Variants in UBE2O observed in about 807,000 individuals in gnomAD.
UBE2O encodes ubiquitin conjugating enzyme E2 O.
Under a neutral mutation model 125.8 loss-of-function variants are expected in UBE2O, and 15 were observed. The observed-to-expected ratio is 0.12, with a 90% CI of 0.08 to 0.18. The LOEUF (loss-of-function observed/expected upper bound fraction) is 0.18. Among genes scored for constraint, UBE2O ranks in the 10% least tolerant of loss-of-function variants. The probability of loss-of-function intolerance (pLI) is 1.00; values close to 1 mark genes in which losing one functional copy is unlikely to be tolerated. For synonymous variants in UBE2O, 708 were observed against 703.2 expected (o/e 1.01, Z -0.11); for missense variants, 1,280 against 1,723.6 (o/e 0.74, Z 4.56).
chr17:76,421,353 G>C (rs2072707011), intron 1 of UBE2O, among the ~76,000 whole-genome samples: 2 of 151,986 alleles, frequency 1.3e-5, no homozygotes, highest in Admixed American at 1.3e-4. Context: ...AACATAATTT[G>C]AGTGACTATT....
At position 76,400,940 on chromosome 17, in the gene UBE2O, A is replaced by G. The variant is rs2072311994; in HGVS notation, c.894+71T>C. 1 of 1,571,516 alleles carries G rather than the reference A, an allele frequency of 6.4e-7. No individual in the cohort carries two copies. The highest frequency in any genetic ancestry group is 8.7e-7 in the Non-Finnish European group (1 of 1,151,830). On this transcript the variant is annotated intron_variant, in intron 6 of 17. Transcript: ENST00000319380. This position sits in a 1 kb window ranked among gnomAD's most constrained non-coding sequence, Gnocchi z 4.3. Reference sequence around the variant, plus strand: ...GCTCAACCCTCAAGAGCAGGAAGGAAAGGGGCAGCAGCTCAGCTCCAGGGT... The same window carrying G: ...GCTCAACCCTCAAGAGCAGGAAGGAGAGGGGCAGCAGCTCAGCTCCAGGGT...
rs1459912787 is a variant in UBE2O, at chr17:76,391,797, G to A, written c.3167C>T (p.Thr1056Ile). 1 of 1,614,130 alleles carries A rather than the reference G, an allele frequency of 6.2e-7. No homozygotes were observed. The highest frequency in any genetic ancestry group is 1.1e-5 in the South Asian group (1 of 91,078). The change falls in exon 17 of 18, where the codon ACA becomes ATA. Residue 1056 changes from threonine to isoleucine, a missense_variant. Thr to Ile is a moderately conservative substitution (Grantham distance 89). This residue lies in a region of UBE2O where 37 missense variants were observed against 115.6 expected (regional missense o/e 0.32). Transcript: ENST00000319380. The surrounding 1 kb of genome is among the most constrained non-coding windows in gnomAD (Gnocchi z 8.4). Reference sequence around the variant, plus strand: ...CACCTGGAGAAGGCTGGACTTGCTTGTCCACCTCTCTGTCCCCTGAAACAC... The same window carrying A: ...CACCTGGAGAAGGCTGGACTTGCTTATCCACCTCTCTGTCCCCTGAAACAC... ...TWIGKGTERW[T>I]SKSSLLQVLI...
chr17:76,429,541 CAAAAAA>C (rs61081315), intron 1 of UBE2O, among the ~76,000 whole-genome samples: 13 of 71,798 alleles, frequency 1.8e-4, no homozygotes, highest in East Asian at 8.4e-4. Context: ...GACTCTGTCT[CAAAAAA>C]AAAAAAAAAA....
intron 1 of UBE2O, among the ~76,000 whole-genome samples, chr17:76,441,927 G>C (rs1270568311): frequency 2.6e-5 from 4 of 152,250 alleles, no homozygotes; most frequent in Admixed American, 2.6e-4. Flanking sequence ...CATAGCCTAA[G>C]CTGCGTTCCT....
chr17:76,417,738 G>GA (rs1321654440), intron 1 of UBE2O, among the ~76,000 whole-genome samples: 2 of 152,196 alleles, frequency 1.3e-5, no homozygotes, highest in Admixed American at 6.5e-5. Context: ...CCAGGGGCAG[G>GA]AAACAGCTAT....
intron 1 of UBE2O, among the ~76,000 whole-genome samples, chr17:76,416,061 G>T (rs762346403): frequency 2.0e-5 from 3 of 151,318 alleles, no homozygotes; most frequent in Non-Finnish European, 4.4e-5. Flanking sequence ...GTACATACAC[G>T]TATATACGTA....
At chr17:76,444,947 CCA>C (rs2073129728) in intron 1 of UBE2O, among the ~76,000 whole-genome samples, 2 of 152,254 alleles carry the variant, frequency 1.3e-5, no homozygotes, top group South Asian at 2.1e-4. Flanking sequence ...CTAGCGGTGA[CCA>C]CACACACAGT....
chr17:76,406,757 T>C (rs2072429679), intron 1 of UBE2O, among the ~76,000 whole-genome samples: 1 of 126,680 alleles, frequency 7.9e-6, no homozygotes, highest in Admixed American at 1.0e-4. Context: ...TGGAGTGCAA[T>C]GGCGCAGTCT....
intron 1 of UBE2O, among the ~76,000 whole-genome samples, chr17:76,428,153 T>C (rs931042427): frequency 6.6e-6 from 1 of 152,248 alleles, no homozygotes; most frequent in African/African-American, 2.4e-5. Flanking sequence ...GTCTTCTGGC[T>C]TCCAATGAGG....
chr17:76,430,450 G>A, intron 1 of UBE2O: 1 of 242,438 alleles, frequency 4.1e-6, no homozygotes, highest in South Asian at 5.1e-5. Flanking sequence ...TGTGGATCTG[G>A]CCCTCCCTGT....
rs1269543824 is a variant in UBE2O, at chr17:76,389,787, T to C, written c.*1156A>G. 1 of 152,246 alleles carries C rather than the reference T, an allele frequency of 6.6e-6. No homozygotes were observed. The allele number at this position is 152,246 out of a possible 1,614,324, so 9.4% of individuals were successfully genotyped here. On this transcript the variant is annotated 3_prime_UTR_variant, in exon 18 of 18. Transcript: ENST00000319380. ...CACTTAAGGCTGACAAGACGCATCATGCTTTGGCTTTTTTTTTGTCTTTTT... is the reference window on the plus strand; with the variant it reads ...CACTTAAGGCTGACAAGACGCATCACGCTTTGGCTTTTTTTTTGTCTTTTT...
At chr17:76,393,390 AC>A (rs1295982601) in intron 15 of UBE2O, among the ~76,000 whole-genome samples, 2 of 151,326 alleles carry the variant, frequency 1.3e-5, no homozygotes, top group Non-Finnish European at 2.9e-5. Flanking sequence ...CAGTCTCCTC[AC>A]GCCCGGCTAA....
intron 1 of UBE2O, among the ~76,000 whole-genome samples, chr17:76,418,362 C>T (rs1313920559): frequency 6.6e-6 from 1 of 152,214 alleles, no homozygotes; most frequent in Non-Finnish European, 1.5e-5. Context: ...GACTATAGGA[C>T]ACCCTCTTCC....
intron 1 of UBE2O, among the ~76,000 whole-genome samples, chr17:76,416,567 C>T (rs1360536089): frequency 6.6e-6 from 1 of 152,108 alleles, no homozygotes; most frequent in Non-Finnish European, 1.5e-5. Flanking sequence ...CATGACAGAC[C>T]GCACGTGGAA....
At chr17:76,403,833 A>G (rs1020466366) in intron 3 of UBE2O, among the ~76,000 whole-genome samples, 1 of 152,212 alleles carries the variant, frequency 6.6e-6, no homozygotes, top group African/African-American at 2.4e-5. Context: ...CCAGAAAGAA[A>G]GAAAGTTCTT....
chr17:76,417,075 T>G (rs144781075), intron 1 of UBE2O, among the ~76,000 whole-genome samples: 49 of 152,344 alleles, frequency 3.2e-4, no homozygotes, highest in African/African-American at 1.1e-3. Flanking sequence ...GGGCACCAGA[T>G]GCCTCATCAG....
At chr17:76,451,307 T>C (rs2073237963) in intron 1 of UBE2O, among the ~76,000 whole-genome samples, 1 of 152,244 alleles carries the variant, frequency 6.6e-6, no homozygotes, top group Non-Finnish European at 1.5e-5. Context: ...AAGCATTCTG[T>C]TGCACAAAAG....
rs543537660 is a variant in UBE2O at position 76,417,342 on chromosome 17, C to T, written c.418-11770G>A. ...TGGGGCACCAGGGCAGGTCCCTAGACGAGGACCTCTTCCCTGGAGAAGACG... is the reference window on the plus strand; with the variant it reads ...TGGGGCACCAGGGCAGGTCCCTAGATGAGGACCTCTTCCCTGGAGAAGACG... On this transcript the variant is annotated intron_variant, in intron 1 of 17. Coordinates refer to ENST00000319380, the MANE Select transcript of UBE2O (RefSeq NM_022066.4). Among the ~76,000 whole-genome samples the T allele has an allele frequency of 5.4e-4, 83 of 152,360 alleles. No homozygotes were observed. In the Middle Eastern group the frequency reaches 0.01, roughly 19 times the overall value.
chr17:76,437,501 T>C (rs2073017885), intron 1 of UBE2O, among the ~76,000 whole-genome samples: 1 of 149,322 alleles, frequency 6.7e-6, no homozygotes, highest in African/African-American at 2.5e-5. Flanking sequence ...TTAAATGCAA[T>C]GTAGTATCCT....
Sources: gnomAD v4.1 joint callset for allele counts (sites outside exome capture counted in the v4.1 genomes callset) on GRCh38, gnomAD v4.1.1 for gene constraint, gnomAD v4.1.1 regional missense constraint, Gnocchi (gnomAD v3.1) non-coding constraint, MANE v1.5 for transcripts, NCBI Gene and HGNC (gene_info 2026-07-23, HGNC 2026-07-21) for gene names.